STARD9: variants seen among roughly 807,000 people sequenced by gnomAD.
STARD9 encodes the protein StAR related lipid transfer domain containing 9.
In STARD9, 346 loss-of-function variants were observed where a neutral mutation model predicts 399.8. The observed-to-expected ratio is 0.87, with a 90% CI of 0.79 to 0.95. The LOEUF (loss-of-function observed/expected upper bound fraction) is 0.95. Among genes scored for constraint, STARD9 ranks in the 40% least tolerant of loss-of-function variants. STARD9 has a pLI of 0.00. For synonymous variants in STARD9, 2,203 were observed against 2,143.5 expected (o/e 1.03, Z -0.77); for missense variants, 5,832 against 5,667.5 (o/e 1.03, Z -0.93).
At chr15:42,695,663 G>A in intron 25 of STARD9, 80 bp from the exon 26 acceptor site, 1 of 1,457,840 alleles carries the variant, frequency 6.9e-7, no homozygotes, top group Non-Finnish European at 9.1e-7. Flanking sequence ...GGGAAGGGGT[G>A]GCTTTGGGTA....
intron 3 of STARD9, among the ~76,000 whole-genome samples, chr15:42,613,796 C>G (rs1353278625): frequency 6.6e-6 from 1 of 151,846 alleles, no homozygotes; most frequent in Non-Finnish European, 1.5e-5. Context: ...AAAACCCCAT[C>G]TCTACTAAAA....
At chr15:42,576,117 C>T (rs1405424865) in intron 1 of STARD9, among the ~76,000 whole-genome samples, 1 of 152,116 alleles carries the variant, frequency 6.6e-6, no homozygotes, top group Non-Finnish European at 1.5e-5. Flanking sequence ...TTTCTGGGGG[C>T]TTGGGAGTAC....
intron 3 of STARD9, among the ~76,000 whole-genome samples, chr15:42,591,163 G>A (rs1183798738): frequency 6.6e-6 from 1 of 152,158 alleles, no homozygotes; most frequent in Non-Finnish European, 1.5e-5. Flanking sequence ...CCCACTTGAT[G>A]CCAGTAGCAA....
rs749218042 is a variant in STARD9 at position 42,684,595 on chromosome 15, G to T, written c.3017G>T (p.Ser1006Ile). ...ACCCACAAGGCTGCTAAGGGAGCCA[G>T]TTGCAATTCCTTGTATCCTCATGGA... ...LGTHKAAKGA[S>I]CNSLYPHGPR... Residue 1006 changes from serine to isoleucine, a missense_variant, in exon 23 of 33, where the codon AGT becomes ATT. By Grantham distance (142) the Ser-to-Ile change is moderately radical. Around this residue, in one of 2 missense-constraint regions of STARD9, gnomAD observed 5,828 missense variants for 5,651.1 expected, o/e 1.03. Transcript: ENST00000290607. 3 of 1,537,264 alleles carry T rather than the reference G, an allele frequency of 2.0e-6. No homozygotes were observed. The Admixed American group carries it at 5.9e-5, about 30-fold the overall frequency.
chr15:42,642,853 C>T (rs1566897867), intron 7 of STARD9, among the ~76,000 whole-genome samples: 1 of 152,120 alleles, frequency 6.6e-6, no homozygotes, highest in Non-Finnish European at 1.5e-5. Context: ...GGCCGGAGTG[C>T]AGTGGCACGA....
intron 3 of STARD9, among the ~76,000 whole-genome samples, chr15:42,628,045 C>T (rs984754722): frequency 2.9e-4 from 44 of 152,078 alleles, no homozygotes; most frequent in African/African-American, 9.7e-4. Context: ...ATTTACATTC[C>T]CACCAATAGT....
At chr15:42,581,426 G>A in intron 1 of STARD9, 1 of 1,523,334 alleles carries the variant, frequency 6.6e-7, no homozygotes, top group South Asian at 1.1e-5. Context: ...TGATGGCCAC[G>A]GTGTGGGTGG....
chr15:42,626,477 A>C lies in STARD9; in HGVS notation c.235-8379A>C, dbSNP rs374126429. 5.3e-3 allele frequency among the ~76,000 whole-genome samples: 548 copies of C among 102,808 alleles called. 1 individual carries two copies. In the Middle Eastern group the frequency reaches 0.06, roughly 11 times the overall value. 67.4% of individuals were successfully genotyped at this position (102,808 alleles called of 152,430 possible). ...CTTCCTTCTCCTCTTCCTCCTCTTC[A>C]TCCTCTTCCTCTTCCTCTTCTTTTT... On this transcript the variant is annotated intron_variant, in intron 3 of 32. Transcript: ENST00000290607.
intron 7 of STARD9, among the ~76,000 whole-genome samples, chr15:42,641,358 C>T (rs977479726): frequency 2.0e-5 from 3 of 152,014 alleles, no homozygotes; most frequent in Non-Finnish European, 2.9e-5. Context: ...GTGGACATTT[C>T]GTTGTTTTGT....
At chr15:42,712,090 T>TA (rs1322176052) in intron 26 of STARD9, among the ~76,000 whole-genome samples, 1 of 6,132 alleles carries the variant, frequency 1.6e-4, no homozygotes, top group Non-Finnish European at 2.6e-4. Context: ...ATTATATATA[T>TA]ATATATAATA....
chr15:42,635,606 G>A (rs2059404803), intron 4 of STARD9, among the ~76,000 whole-genome samples: 1 of 152,148 alleles, frequency 6.6e-6, no homozygotes, highest in Non-Finnish European at 1.5e-5. Flanking sequence ...TGGGATTACA[G>A]GCATGAGCCA....
At position 42,612,809 on chromosome 15, in the gene STARD9, C is replaced by A. The variant is rs375436893; in HGVS notation, c.235-22047C>A. 1.2e-4 allele frequency among the ~76,000 whole-genome samples: 18 copies of A among 152,164 alleles called. No individual in the cohort carries two copies. In the East Asian group the frequency reaches 3.3e-3, roughly 28 times the overall value. ...GACCAGCCTGGCCAACGTGGTGAAA[C>A]CCCGTCTCTGCTAAAAGTACAAAAA... On this transcript the variant is annotated intron_variant, in intron 3 of 32. Coordinates refer to ENST00000290607, the MANE Select transcript of STARD9 (RefSeq NM_020759.3).
At chr15:42,717,449 CCT>C (rs1384004338) in intron 28 of STARD9, among the ~76,000 whole-genome samples, 2 of 151,908 alleles carry the variant, frequency 1.3e-5, no homozygotes, top group African/African-American at 2.4e-5. Flanking sequence ...ATGGTGAGAC[CCT>C]GTCTCTACCA....
chr15:42,589,242 G>T (rs561463615), intron 3 of STARD9, among the ~76,000 whole-genome samples: 1 of 151,964 alleles, frequency 6.6e-6, no homozygotes, highest in Non-Finnish European at 1.5e-5. Context: ...AATAGAGATA[G>T]GGTCTTGCTG....
At chr15:42,662,958 C>T (rs1256907885) in intron 11 of STARD9, 67 bp downstream of exon 11, 19 of 1,190,074 alleles carry the variant, frequency 1.6e-5, no homozygotes, top group East Asian at 1.0e-4. Context: ...TTCATTTTGT[C>T]GCAATAGGGT....
At chr15:42,669,087 T>C (rs1033724519) in intron 15 of STARD9, 71 bp from the exon 16 acceptor site, 91 of 1,301,436 alleles carry the variant, frequency 7.0e-5, no homozygotes, top group Non-Finnish European at 8.5e-5. Flanking sequence ...TAGGAATAGA[T>C]TGTAATGACT....
Position 42,610,531 on chromosome 15 carries a change from CT to C in STARD9, c.235-24323del, listed in dbSNP as rs2058826778. Among the ~76,000 whole-genome samples, 2 of 152,056 alleles carry C rather than the reference CT, an allele frequency of 1.3e-5. 1 individual carries two copies. The highest frequency in any genetic ancestry group is 4.1e-4 in the South Asian group (2 of 4,820). On this transcript the variant is annotated intron_variant, in intron 3 of 32. Transcript: ENST00000290607. Reference sequence around the variant, plus strand: ...TTTGGGGTTTGCTGCAATAGCCAAACTTATACTTTCTTTTTCTTCTTCTTTT... The same window carrying C: ...TTTGGGGTTTGCTGCAATAGCCAAACTATACTTTCTTTTTCTTCTTCTTTT...
At chr15:42,630,819 CT>C (rs1377827803) in intron 3 of STARD9, among the ~76,000 whole-genome samples, 1 of 151,458 alleles carries the variant, frequency 6.6e-6, no homozygotes, top group Non-Finnish European at 1.5e-5. Flanking sequence ...CTCTTTTTTT[CT>C]TCATCTGTCT....
chr15:42,717,311 C>G (rs1193628888), intron 28 of STARD9, among the ~76,000 whole-genome samples: 1 of 151,918 alleles, frequency 6.6e-6, no homozygotes, highest in Non-Finnish European at 1.5e-5. Flanking sequence ...ATAGCAAGAC[C>G]CTGTCTCTAC....
Sources: gnomAD v4.1 joint callset for allele counts (sites outside exome capture counted in the v4.1 genomes callset) on GRCh38, gnomAD v4.1.1 for gene constraint, gnomAD v4.1.1 regional missense constraint, MANE v1.5 for transcripts, NCBI Gene and HGNC (gene_info 2026-07-23, HGNC 2026-07-21) for gene names.